Variants in AGBL4 observed in about 807,000 individuals in gnomAD.
The protein encoded by AGBL4 is cytosolic carboxypeptidase 6.
Under a neutral mutation model 66.4 loss-of-function variants are expected in AGBL4, and 58 were observed. That is an observed-to-expected ratio of 0.87 (90% CI 0.71 to 1.09). AGBL4 has a LOEUF of 1.09. Ranked by LOEUF, AGBL4 falls within the 50% of genes least tolerant of loss-of-function variation. The pLI, the probability that AGBL4 is intolerant of heterozygous loss-of-function variation, is 0.00. For missense variants in AGBL4, 579 were observed against 631.0 expected, an observed-to-expected ratio of 0.92 and a Z score of 0.88; for synonymous variants, 234 against 222.9, an observed-to-expected ratio of 1.05 and a Z score of -0.44.
At chr1:49,753,130 T>C (rs1243476816) in intron 2 of AGBL4, among the ~76,000 whole-genome samples, 1 of 152,246 alleles carries the variant, frequency 6.6e-6, no homozygotes, top group Non-Finnish European at 1.5e-5. Flanking sequence ...CTGGTTACTT[T>C]GCCCATTACT....
chr1:48,966,508 A>G (rs1281940083), intron 5 of AGBL4, among the ~76,000 whole-genome samples: 1 of 152,126 alleles, frequency 6.6e-6, no homozygotes, highest in African/African-American at 2.4e-5. Flanking sequence ...AGTCATTGAG[A>G]GTCTTAAGGG....
At chr1:50,019,306 T>TCTCTCTCTCTCTCACACACACA (rs1167835143) in intron 1 of AGBL4, among the ~76,000 whole-genome samples, 7 of 48,432 alleles carry the variant, frequency 1.4e-4, no homozygotes, top group Non-Finnish European at 2.6e-4. Flanking sequence ...TCTCTCTCTC[T>TCTCTCTCTCTCTCACACACACA]CACACACACA....
At chr1:49,196,564 T>G (rs1358166132) in intron 4 of AGBL4, among the ~76,000 whole-genome samples, 3 of 152,144 alleles carry the variant, frequency 2.0e-5, no homozygotes, top group Non-Finnish European at 4.4e-5. Flanking sequence ...GGGGGTGTTA[T>G]AATACCTTGT....
At chr1:49,101,814 C>A (rs1645207601) in intron 4 of AGBL4, among the ~76,000 whole-genome samples, 1 of 152,074 alleles carries the variant, frequency 6.6e-6, no homozygotes, top group South Asian at 2.1e-4. Flanking sequence ...TAGGCTGCCC[C>A]ATAGCAAATT....
intron 4 of AGBL4, among the ~76,000 whole-genome samples, chr1:49,225,743 A>T (rs1199868295): frequency 6.6e-6 from 1 of 152,188 alleles, no homozygotes; most frequent in Non-Finnish European, 1.5e-5. Context: ...TTATAAGGTC[A>T]TCTCAGATAT....
intron 5 of AGBL4, among the ~76,000 whole-genome samples, chr1:48,906,642 T>A (rs773058867): frequency 6.6e-6 from 1 of 152,004 alleles, no homozygotes; most frequent in East Asian, 1.9e-4. Context: ...GGTAATGACA[T>A]TGTATGCAGA....
chr1:48,776,653 T>G (rs1346203360), intron 6 of AGBL4: 1 of 1,488,056 alleles, frequency 6.7e-7, no homozygotes, highest in Admixed American at 2.5e-5. Context: ...CGCGCCCCAG[T>G]CGCGGGGGGC....
intron 2 of AGBL4, among the ~76,000 whole-genome samples, chr1:49,730,736 A>G (rs1649377094): frequency 6.6e-6 from 1 of 152,298 alleles, no homozygotes; most frequent in South Asian, 2.1e-4. Context: ...TAAGCCAACT[A>G]CAGCCTGCCA....
intron 4 of AGBL4, among the ~76,000 whole-genome samples, chr1:49,223,286 G>A (rs933413031): frequency 6.6e-6 from 1 of 152,156 alleles, no homozygotes; most frequent in African/African-American, 2.4e-5. Flanking sequence ...TCACAGAAGG[G>A]GAGAGGAAGC....
At chr1:49,655,517 C>T (rs1255983997) in intron 3 of AGBL4, among the ~76,000 whole-genome samples, 1 of 152,110 alleles carries the variant, frequency 6.6e-6, no homozygotes, top group African/African-American at 2.4e-5. Flanking sequence ...AGAACAAAGA[C>T]ACAACATACC....
intron 6 of AGBL4, among the ~76,000 whole-genome samples, chr1:48,847,154 G>A (rs947474426): frequency 2.0e-5 from 3 of 152,048 alleles, no homozygotes; most frequent in Non-Finnish European, 4.4e-5. Context: ...TACAAAATTA[G>A]CCAGGCATGG....
At chr1:49,433,167 G>A (rs762036144) in intron 3 of AGBL4, among the ~76,000 whole-genome samples, 1 of 152,110 alleles carries the variant, frequency 6.6e-6, no homozygotes, top group Admixed American at 6.6e-5. Flanking sequence ...ATAACAAACT[G>A]GTAAAGGAAA....
intron 2 of AGBL4, among the ~76,000 whole-genome samples, chr1:49,750,387 A>G (rs780020303): frequency 3.9e-5 from 6 of 152,178 alleles, no homozygotes; most frequent in Non-Finnish European, 7.4e-5. Flanking sequence ...GGTTTGTCAA[A>G]GATCAGATGG....
chr1:49,478,450 C>T (rs1443963944), intron 3 of AGBL4, among the ~76,000 whole-genome samples: 3 of 151,892 alleles, frequency 2.0e-5, no homozygotes, highest in East Asian at 1.9e-4. Flanking sequence ...ATATTTAATG[C>T]TCTGAGGGAA....
At chr1:49,370,909 T>G (rs1443516355) in intron 3 of AGBL4, among the ~76,000 whole-genome samples, 1 of 152,184 alleles carries the variant, frequency 6.6e-6, no homozygotes, top group Admixed American at 6.6e-5. Flanking sequence ...TTGCGTAGAT[T>G]ACCTTCCATA....
intron 3 of AGBL4, among the ~76,000 whole-genome samples, chr1:49,550,950 T>C (rs1652903999): frequency 1.3e-5 from 2 of 152,138 alleles, no homozygotes; most frequent in Non-Finnish European, 2.9e-5. Flanking sequence ...TTAGGTTTGG[T>C]CATTTAACAT....
chr1:49,439,869 T>C (rs1234088179), intron 3 of AGBL4, among the ~76,000 whole-genome samples: 3 of 152,188 alleles, frequency 2.0e-5, no homozygotes, highest in Non-Finnish European at 2.9e-5. Flanking sequence ...AGTTAATACT[T>C]AATGAAATAC....
chr1:49,384,979 AGT>A (rs1644706715), intron 3 of AGBL4, among the ~76,000 whole-genome samples: 1 of 152,178 alleles, frequency 6.6e-6, no homozygotes, highest in Non-Finnish European at 1.5e-5. Context: ...CAGGTGACTG[AGT>A]GTAAGAAATC....
intron 1 of AGBL4, among the ~76,000 whole-genome samples, chr1:49,880,960 G>T (rs1019271957): frequency 7.2e-5 from 11 of 152,122 alleles, no homozygotes; most frequent in Admixed American, 6.5e-5. Context: ...GACTCGGAAA[G>T]GGAACTACCT....
Sources: allele counts gnomAD v4.1 joint callset (sites outside exome capture counted in the v4.1 genomes callset), GRCh38; gene constraint gnomAD v4.1.1; transcripts MANE v1.5; gene names NCBI Gene and HGNC (gene_info 2026-07-23, HGNC 2026-07-21).